Variants in RSPO2 observed in about 807,000 individuals in gnomAD.
The protein encoded by RSPO2 is R-spondin 2, also known as R-spondin-2.
Under a neutral mutation model 30.9 loss-of-function variants are expected in RSPO2, and 14 were observed. The ratio of observed to expected loss-of-function variants is 0.45; its 90% CI spans 0.30 to 0.71. The LOEUF is 0.71. Ranked by LOEUF, RSPO2 falls within the 30% of genes least tolerant of loss-of-function variation. The probability of loss-of-function intolerance (pLI) is 0.08; values close to 1 mark genes in which losing one functional copy is unlikely to be tolerated. For missense variants in RSPO2, 264 were observed against 301.9 expected (o/e 0.87, Z 0.93); for synonymous variants, 107 against 96.4 (o/e 1.11, Z -0.64).
intron 5 of RSPO2, among the ~76,000 whole-genome samples, chr8:107,923,489 C>A (rs1812252116): frequency 6.6e-6 from 1 of 152,140 alleles, no homozygotes; most frequent in Non-Finnish European, 1.5e-5. Flanking sequence ...TTAATTCAAT[C>A]ATTGTGGAAA....
chr8:107,929,178 T>G (rs961166865), intron 5 of RSPO2, among the ~76,000 whole-genome samples: 16 of 152,356 alleles, frequency 1.1e-4, no homozygotes, highest in Admixed American at 3.3e-4. Flanking sequence ...GGATCCATTT[T>G]ACATCCTCTG....
At chr8:107,914,517 A>G (rs1811918664) in intron 5 of RSPO2, among the ~76,000 whole-genome samples, 1 of 152,092 alleles carries the variant, frequency 6.6e-6, no homozygotes, top group African/African-American at 2.4e-5. Flanking sequence ...AGTGTTTTCT[A>G]CTGTTTACTA....
intron 3 of RSPO2, among the ~76,000 whole-genome samples, 196 bp downstream of exon 3, chr8:107,988,860 T>C (rs1236828124): frequency 1.3e-5 from 2 of 152,210 alleles, no homozygotes; most frequent in Non-Finnish European, 2.9e-5. Context: ...ACTCCTGGCC[T>C]CAAGTGATCC....
Position 108,061,756 on chromosome 8 carries a change from A to G in RSPO2, c.94+20789T>C, listed in dbSNP as rs199994854. ...CATTCTTCTCAGCACCATATCACAC[A>G]TATTCCAAAATTGACCACATAGTTG... On this transcript the variant is annotated intron_variant, in intron 2 of 5. Transcript: ENST00000276659. Among the ~76,000 whole-genome samples the G allele has an allele frequency of 3.3e-5, 5 of 150,104 alleles. No individual in the cohort carries two copies. In the South Asian group the frequency reaches 1.1e-3, roughly 32 times the overall value.
chr8:107,974,240 A>G (rs2130480668), intron 3 of RSPO2, among the ~76,000 whole-genome samples: 1 of 150,794 alleles, frequency 6.6e-6, no homozygotes, highest in South Asian at 2.1e-4. Context: ...TAATTCCAAC[A>G]CTTTGGGAGG....
At chr8:107,997,841 T>C (rs998774504) in intron 2 of RSPO2, among the ~76,000 whole-genome samples, 2 of 152,226 alleles carry the variant, frequency 1.3e-5, no homozygotes, top group African/African-American at 4.8e-5. Flanking sequence ...ATTTATCTCA[T>C]AGAGTATTTT....
chr8:107,922,494 A>C (rs1301417625), intron 5 of RSPO2, among the ~76,000 whole-genome samples: 1 of 152,184 alleles, frequency 6.6e-6, no homozygotes, highest in Non-Finnish European at 1.5e-5. Flanking sequence ...AGGAATAATC[A>C]ATATCACTAA....
chr8:108,015,814 A>C (rs117428538), intron 2 of RSPO2, among the ~76,000 whole-genome samples: 2,037 of 152,270 alleles, frequency 0.013, 20 homozygotes, highest in South Asian at 0.027. Flanking sequence ...TCCTATTGCA[A>C]TAATTTCTGG....
intron 3 of RSPO2, chr8:107,983,287 G>A (rs1468693068): frequency 6.3e-7 from 1 of 1,597,926 alleles, no homozygotes; most frequent in African/African-American, 1.3e-5. Flanking sequence ...TCTTTCACTG[G>A]AATTGCAAAG....
At chr8:108,028,005 T>C (rs1811278907) in intron 2 of RSPO2, among the ~76,000 whole-genome samples, 1 of 152,140 alleles carries the variant, frequency 6.6e-6, no homozygotes, top group African/African-American at 2.4e-5. Context: ...CAGCCCTACA[T>C]GAAGCCATTC....
chr8:108,056,507 C>T (rs184022988), intron 2 of RSPO2, among the ~76,000 whole-genome samples: 150 of 150,454 alleles, frequency 1.0e-3, no homozygotes, highest in African/African-American at 1.3e-3. Context: ...TCTGTGGTCC[C>T]GGCTACTTGG....
intron 2 of RSPO2, among the ~76,000 whole-genome samples, chr8:108,006,938 C>T (rs1815471594): frequency 6.6e-6 from 1 of 152,104 alleles, no homozygotes; most frequent in African/African-American, 2.4e-5. Context: ...TTGCAGACAT[C>T]GCAGTACACC....
chr8:108,000,233 C>T (rs943676425), intron 2 of RSPO2, among the ~76,000 whole-genome samples: 2 of 152,026 alleles, frequency 1.3e-5, no homozygotes, highest in Admixed American at 6.6e-5. Flanking sequence ...CATTAACATT[C>T]GAGATAATCT....
At chr8:107,927,055 G>A (rs1207909733) in intron 5 of RSPO2, among the ~76,000 whole-genome samples, 1 of 151,994 alleles carries the variant, frequency 6.6e-6, no homozygotes, top group East Asian at 1.9e-4. Flanking sequence ...ATTTGTTTGT[G>A]TCCTCTTTTA....
intron 3 of RSPO2, among the ~76,000 whole-genome samples, chr8:107,985,908 A>T (rs1814611465): frequency 6.6e-6 from 1 of 152,172 alleles, no homozygotes; most frequent in African/African-American, 2.4e-5. Flanking sequence ...CCAACCTCAG[A>T]CAACTTTTCA....
intron 2 of RSPO2, among the ~76,000 whole-genome samples, chr8:108,082,145 G>C (rs1047759145): frequency 6.6e-6 from 1 of 152,018 alleles, no homozygotes; most frequent in Admixed American, 6.5e-5. Flanking sequence ...AAACAAATGA[G>C]CTACAGGGAA....
At chr8:107,915,777 T>C (rs1371645569) in intron 5 of RSPO2, among the ~76,000 whole-genome samples, 1 of 152,144 alleles carries the variant, frequency 6.6e-6, no homozygotes, top group Non-Finnish European at 1.5e-5. Flanking sequence ...GTCTGTTTTG[T>C]TATGTGTATT....
intron 2 of RSPO2, among the ~76,000 whole-genome samples, chr8:108,026,539 G>A (rs915690427): frequency 1.2e-4 from 18 of 152,080 alleles, no homozygotes; most frequent in African/African-American, 4.3e-4. Context: ...AAAAAATAGA[G>A]AAATATATAA....
At chr8:107,929,621 G>A (rs940681209) in intron 5 of RSPO2, among the ~76,000 whole-genome samples, 1 of 151,976 alleles carries the variant, frequency 6.6e-6, no homozygotes, top group African/African-American at 2.4e-5. Context: ...TTTCTGCTGA[G>A]GAAGAAAACA....
Sources: allele counts gnomAD v4.1 joint callset (sites outside exome capture counted in the v4.1 genomes callset), GRCh38; gene constraint gnomAD v4.1.1; transcripts MANE v1.5; gene names NCBI Gene and HGNC (gene_info 2026-07-23, HGNC 2026-07-21).